Variants in VPS54 observed in about 807,000 individuals in gnomAD.
VPS54 encodes VPS54 subunit of GARP complex.
Under a neutral mutation model 121.5 loss-of-function variants are expected in VPS54, and 45 were observed. The observed-to-expected ratio is 0.37, with a 90% CI of 0.29 to 0.47. The LOEUF (loss-of-function observed/expected upper bound fraction) is 0.47. Among genes scored for constraint, VPS54 ranks in the 20% least tolerant of loss-of-function variants. The pLI is 0.99. For missense variants in VPS54, 1,090 were observed against 1,131.4 expected, an observed-to-expected ratio of 0.96 and a Z score of 0.52; for synonymous variants, 371 against 385.8, an observed-to-expected ratio of 0.96 and a Z score of 0.45.
At chr2:64,000,974 C>T (rs894630818) in intron 1 of VPS54, among the ~76,000 whole-genome samples, 41 of 152,320 alleles carry the variant, frequency 2.7e-4, no homozygotes, top group African/African-American at 9.1e-4. Context: ...CAGCAAGTGC[C>T]CCCAAGTCCT....
chr2:63,929,212 A>G (rs1409055141), intron 12 of VPS54, among the ~76,000 whole-genome samples: 2 of 152,222 alleles, frequency 1.3e-5, no homozygotes, highest in East Asian at 1.9e-4. Flanking sequence ...CAGAATATAC[A>G]TTCTTCTCAG....
intron 20 of VPS54, among the ~76,000 whole-genome samples, chr2:63,910,700 T>C (rs1257914171): frequency 6.6e-6 from 1 of 152,190 alleles, no homozygotes; most frequent in Admixed American, 6.5e-5. Flanking sequence ...AGGTCATGCA[T>C]ACATGGGAAG....
intron 1 of VPS54, among the ~76,000 whole-genome samples, chr2:64,005,422 G>C (rs796288446): frequency 6.6e-6 from 1 of 152,038 alleles, no homozygotes; most frequent in Non-Finnish European, 1.5e-5. Context: ...TTCTTAATAC[G>C]AATCTAGTAA....
intron 3 of VPS54, among the ~76,000 whole-genome samples, chr2:63,976,100 G>T (rs1310510358): frequency 6.6e-6 from 1 of 152,010 alleles, no homozygotes; most frequent in Non-Finnish European, 1.5e-5. Context: ...TAAAAATAAT[G>T]AATAGCCAAC....
intron 4 of VPS54, among the ~76,000 whole-genome samples, chr2:63,971,960 AAT>A (rs1323636632): frequency 6.6e-6 from 1 of 152,214 alleles, no homozygotes; most frequent in Non-Finnish European, 1.5e-5. Flanking sequence ...ATATCCAATC[AAT>A]ATTTGTTGAA....
In VPS54 at chr2:63,962,185, T is replaced by C. The variant is rs889544914; in HGVS notation, c.883A>G (p.Thr295Ala). 2.5e-6 allele frequency: 4 copies of C among 1,614,008 alleles called. No homozygotes were observed. Among genetic ancestry groups the C allele is most frequent in the South Asian group, 2.2e-5 (2 of 91,076 alleles). ...KVYNKLKLMA[T>A]VHQTQPTVQV... Reference sequence around the variant, plus strand: ...ACTGTAGGCTGAGTCTGGTGTACAGTGGCCATTAACTTCAGCTTATTGTAT... The same window carrying C: ...ACTGTAGGCTGAGTCTGGTGTACAGCGGCCATTAACTTCAGCTTATTGTAT... Residue 295 changes from threonine to alanine, a missense_variant, in exon 7 of 23, where the codon ACT becomes GCT. This residue lies in a region of VPS54 where 801 missense variants were observed against 757.0 expected (regional missense o/e 1.06). Coordinates refer to ENST00000272322, the MANE Select transcript of VPS54 (RefSeq NM_016516.3).
Position 63,983,845 on chromosome 2 carries a change from C to CA in VPS54, c.136+18dup, listed in dbSNP as rs746887655. The CA allele has an allele frequency of 0.017, 18,949 of 1,094,562 alleles. No individual in the cohort carries two copies. Among genetic ancestry groups the CA allele is most frequent in the South Asian group, 0.031 (1,888 of 60,824 alleles). 67.8% of individuals were successfully genotyped at this position (1,094,562 alleles called of 1,614,324 possible). ...ATAGAAATCATCAGTAAAAATCCTA[C>CA]AAAAAAAAAAAGCATTACCTGTGGG... On this transcript the variant is annotated intron_variant, in intron 2 of 22. Transcript: ENST00000272322.
chr2:63,900,357 G>A (rs1427342766), intron 20 of VPS54, among the ~76,000 whole-genome samples: 1 of 151,958 alleles, frequency 6.6e-6, no homozygotes, highest in East Asian at 1.9e-4. Context: ...ACATTAAAAG[G>A]AGGATTTTTT....
chr2:64,007,298 C>T (rs551074765), intron 1 of VPS54, among the ~76,000 whole-genome samples: 79 of 152,130 alleles, frequency 5.2e-4, no homozygotes, highest in Admixed American at 5.1e-3. Flanking sequence ...AGAAGACAGA[C>T]GAGGAGGTGG....
chr2:63,950,518 T>C (rs901615216), intron 7 of VPS54, among the ~76,000 whole-genome samples: 2 of 152,194 alleles, frequency 1.3e-5, no homozygotes, highest in African/African-American at 4.8e-5. Context: ...GGCAAGGTAC[T>C]TCCTGACTTC....
At chr2:64,009,283 G>T (rs1042864938) in intron 1 of VPS54, among the ~76,000 whole-genome samples, 2 of 151,566 alleles carry the variant, frequency 1.3e-5, no homozygotes, top group African/African-American at 4.9e-5. Flanking sequence ...TATAAGACCA[G>T]GACTATTCCA....
chr2:63,959,578 GTC>G (rs1176329571), intron 7 of VPS54, among the ~76,000 whole-genome samples: 1 of 152,166 alleles, frequency 6.6e-6, no homozygotes, highest in Non-Finnish European at 1.5e-5. Flanking sequence ...ACATCTGAAA[GTC>G]TTTTTAAAAA....
intron 7 of VPS54, among the ~76,000 whole-genome samples, chr2:63,959,713 T>A (rs1452911716): frequency 6.6e-6 from 1 of 151,854 alleles, no homozygotes; most frequent in Non-Finnish European, 1.5e-5. Flanking sequence ...ACGGCAAGAC[T>A]CCGTTTCTAC....
At chr2:64,003,347 T>C (rs1677972500) in intron 1 of VPS54, among the ~76,000 whole-genome samples, 1 of 152,242 alleles carries the variant, frequency 6.6e-6, no homozygotes, top group South Asian at 2.1e-4. Flanking sequence ...TTTCACATGG[T>C]AATCTCCTTA....
chr2:63,928,513 TA>T (rs1485789637), intron 12 of VPS54, among the ~76,000 whole-genome samples: 1 of 152,076 alleles, frequency 6.6e-6, no homozygotes, highest in Non-Finnish European at 1.5e-5. Context: ...AAGGAAGCAC[TA>T]AACATGGAAA....
intron 7 of VPS54, among the ~76,000 whole-genome samples, chr2:63,957,451 A>G (rs2104549733): frequency 6.6e-6 from 1 of 152,028 alleles, no homozygotes; most frequent in East Asian, 1.9e-4. Context: ...CAAAAAAAAA[A>G]AAAAAAAAAA....
At chr2:63,968,863 CAA>C (rs34977697) in intron 5 of VPS54, 92 bp downstream of exon 5, 9,915 of 892,238 alleles carry the variant, frequency 0.011, no homozygotes, top group South Asian at 0.018. Context: ...GCCAAAGGGT[CAA>C]AAAAAAAAAA....
chr2:63,899,671 T>G lies in VPS54; in HGVS notation c.2626-90A>C, dbSNP rs1010287296. On this transcript the variant is annotated intron_variant, in intron 20 of 22. Coordinates refer to ENST00000272322, the MANE Select transcript of VPS54 (RefSeq NM_016516.3). ...CCCTGAGACATATATTTACTGTCCCTCCACATATCCAATTCTGGCATAGTA... is the reference window on the plus strand; with the variant it reads ...CCCTGAGACATATATTTACTGTCCCGCCACATATCCAATTCTGGCATAGTA... The G allele has an allele frequency of 5.0e-6, 5 of 1,009,710 alleles. No individual in the cohort carries two copies. The East Asian group carries it at 9.8e-5, about 20-fold the overall frequency. 62.5% of individuals were successfully genotyped at this position (1,009,710 alleles called of 1,614,324 possible).
At chr2:63,965,302 C>G (rs1338356054) in intron 6 of VPS54, among the ~76,000 whole-genome samples, 1 of 151,940 alleles carries the variant, frequency 6.6e-6, no homozygotes, top group Non-Finnish European at 1.5e-5. Flanking sequence ...TGGTGAAACC[C>G]CATCTCTACC....
Sources: allele counts gnomAD v4.1 joint callset (sites outside exome capture counted in the v4.1 genomes callset), GRCh38; gene constraint gnomAD v4.1.1; regional missense constraint gnomAD v4.1.1; transcripts MANE v1.5; gene names NCBI Gene and HGNC (gene_info 2026-07-23, HGNC 2026-07-21).